Variants in APBB2 observed in about 807,000 individuals in gnomAD.
APBB2 encodes the protein Fe65-like 1.
APBB2 carries 38 observed loss-of-function variants against 82.5 expected under a neutral mutation model. The ratio of observed to expected loss-of-function variants is 0.46; its 90% CI spans 0.36 to 0.60. The LOEUF is 0.60. Ranked by LOEUF, APBB2 falls within the 20% of genes least tolerant of loss-of-function variation. APBB2 has a pLI of 0.00. For synonymous variants in APBB2, 341 were observed against 368.2 expected (o/e 0.93, Z 0.85); for missense variants, 772 against 972.3 (o/e 0.79, Z 2.74).
intron 6 of APBB2, among the ~76,000 whole-genome samples, chr4:40,970,001 C>T (rs867341631): frequency 6.6e-6 from 1 of 152,146 alleles, no homozygotes; most frequent in African/African-American, 2.4e-5. Context: ...ACATATCCTG[C>T]CCTTACATGT....
intron 1 of APBB2, among the ~76,000 whole-genome samples, chr4:41,168,611 G>A (rs549123292): frequency 4.6e-5 from 7 of 152,208 alleles, no homozygotes; most frequent in Non-Finnish European, 7.4e-5. Context: ...GTATTGGTCT[G>A]CAATGGTATA....
chr4:40,867,052 G>A lies in APBB2; in HGVS notation c.1529+23312C>T, dbSNP rs563504464. 6.6e-5 allele frequency among the ~76,000 whole-genome samples: 10 copies of A among 152,224 alleles called. No individual in the cohort carries two copies. In the South Asian group the frequency reaches 8.3e-4, roughly 13 times the overall value. On this transcript the variant is annotated intron_variant, in intron 12 of 17. Transcript: ENST00000508593. The stretch of plus-strand genomic sequence containing the variant: ...ATTACAGGCATGAGCCACCATGCAC[G>A]GCCGACAGTGTCCTTTTAGATCAAT...
chr4:40,867,864 C>CTT (rs35665507), intron 12 of APBB2, among the ~76,000 whole-genome samples: 34 of 138,792 alleles, frequency 2.4e-4, no homozygotes, highest in African/African-American at 8.7e-4. Flanking sequence ...ATTTCTGGGG[C>CTT]TTTTTTTTTT....
intron 4 of APBB2, among the ~76,000 whole-genome samples, chr4:41,055,429 G>T (rs1435720893): frequency 6.6e-6 from 1 of 152,220 alleles, no homozygotes; most frequent in Non-Finnish European, 1.5e-5. Flanking sequence ...GCCCAGCGCG[G>T]AGTAAGGGCT....
intron 10 of APBB2, among the ~76,000 whole-genome samples, chr4:40,917,154 C>A (rs370962865): frequency 5.9e-4 from 90 of 152,296 alleles, no homozygotes; most frequent in African/African-American, 1.9e-3. Context: ...TGATTTGAGG[C>A]CCTGCAGAAG....
intron 3 of APBB2, among the ~76,000 whole-genome samples, chr4:41,076,339 T>A (rs1258869282): frequency 6.6e-6 from 1 of 152,146 alleles, no homozygotes; most frequent in Non-Finnish European, 1.5e-5. Flanking sequence ...AAACTCCATA[T>A]CTTTGCTAAA....
chr4:41,061,231 A>T, intron 4 of APBB2, among the ~76,000 whole-genome samples: 1 of 152,262 alleles, frequency 6.6e-6, no homozygotes, highest in Middle Eastern at 3.2e-3. Context: ...AAATGAACAA[A>T]TATGCAATTT....
intron 17 of APBB2, 144 bp downstream of exon 17, chr4:40,821,727 C>A (rs3816100): frequency 1.0e-6 from 1 of 953,460 alleles, no homozygotes. Context: ...GATTCTGGCC[C>A]TAGGAATGAC....
At chr4:40,847,898 C>T (rs574957933) in intron 12 of APBB2, among the ~76,000 whole-genome samples, 4 of 151,890 alleles carry the variant, frequency 2.6e-5, no homozygotes, top group African/African-American at 4.8e-5. Flanking sequence ...CCTCAAACTA[C>T]TTGGCTCAAG....
At chr4:40,983,039 T>C (rs994029220) in intron 6 of APBB2, among the ~76,000 whole-genome samples, 2 of 152,158 alleles carry the variant, frequency 1.3e-5, no homozygotes, top group African/African-American at 2.4e-5. Context: ...TTTGGGGCTA[T>C]GAAAATACTA....
At chr4:41,011,893 C>T (rs1231948038) in intron 6 of APBB2, among the ~76,000 whole-genome samples, 2 of 152,048 alleles carry the variant, frequency 1.3e-5, no homozygotes, top group Non-Finnish European at 2.9e-5. Context: ...AACAGAGTCT[C>T]GCTCGATCAC....
At chr4:40,923,369 C>G (rs117298166) in intron 10 of APBB2, among the ~76,000 whole-genome samples, 1 of 152,340 alleles carries the variant, frequency 6.6e-6, no homozygotes, top group East Asian at 1.9e-4. Flanking sequence ...AGGCAGCAAG[C>G]CTGAGAGAAC....
At chr4:40,885,571 C>T (rs1333079889) in intron 12 of APBB2, among the ~76,000 whole-genome samples, 1 of 152,128 alleles carries the variant, frequency 6.6e-6, no homozygotes, top group Admixed American at 6.5e-5. Flanking sequence ...TAAGTCCATT[C>T]TTGGGGTTTG....
At chr4:41,054,979 T>C (rs1727344161) in intron 4 of APBB2, among the ~76,000 whole-genome samples, 1 of 152,054 alleles carries the variant, frequency 6.6e-6, no homozygotes, top group Admixed American at 6.6e-5. Context: ...CCCACTACTC[T>C]TAGGAAACAG....
intron 6 of APBB2, among the ~76,000 whole-genome samples, chr4:40,945,549 A>G (rs1360976544): frequency 6.6e-6 from 1 of 152,236 alleles, no homozygotes; most frequent in East Asian, 1.9e-4. Flanking sequence ...ATGTGCTTTA[A>G]GAATCTCTCT....
chr4:41,047,718 C>G (rs1380435468), intron 4 of APBB2, among the ~76,000 whole-genome samples: 12 of 152,226 alleles, frequency 7.9e-5, no homozygotes, highest in Non-Finnish European at 1.5e-4. Context: ...CATTCTACTC[C>G]ACTGTCTCTT....
At chr4:40,987,994 A>C (rs1396109) in intron 6 of APBB2, among the ~76,000 whole-genome samples, 15,992 of 152,276 alleles carry the variant, frequency 0.11, 896 homozygotes, top group Admixed American at 0.16. Flanking sequence ...TTGATCTCTC[A>C]AAACCTCGCT....
At chr4:41,116,884 T>C (rs1236175758) in intron 2 of APBB2, among the ~76,000 whole-genome samples, 4 of 152,178 alleles carry the variant, frequency 2.6e-5, no homozygotes, top group Non-Finnish European at 5.9e-5. Context: ...AATTAAATTA[T>C]AGTCCACTTA....
intron 10 of APBB2, among the ~76,000 whole-genome samples, chr4:40,896,016 G>A (rs1773563154): frequency 6.6e-6 from 1 of 151,992 alleles, no homozygotes; most frequent in Non-Finnish European, 1.5e-5. Context: ...ATGTCAGATG[G>A]TGTTAGGATG....
Sources: allele counts gnomAD v4.1 joint callset (sites outside exome capture counted in the v4.1 genomes callset), GRCh38; gene constraint gnomAD v4.1.1; transcripts MANE v1.5; gene names NCBI Gene and HGNC (gene_info 2026-07-23, HGNC 2026-07-21).